TMEM242: variants seen among roughly 807,000 people sequenced by gnomAD.
TMEM242 encodes the protein transmembrane protein 242, also known as UPF0463 transmembrane protein C6orf35.
TMEM242 carries 10 observed loss-of-function variants against 18.2 expected under a neutral mutation model. The ratio of observed to expected loss-of-function variants is 0.55; its 90% CI spans 0.34 to 0.93. The LOEUF (loss-of-function observed/expected upper bound fraction) is 0.93, where lower values mean the gene tolerates loss of function less well. Among genes scored for constraint, TMEM242 ranks in the 40% least tolerant of loss-of-function variants. The pLI is 0.02. For synonymous variants in TMEM242, 57 were observed against 69.9 expected (o/e 0.81, Z 0.92); for missense variants, 186 against 175.5 (o/e 1.06, Z -0.34).
rs1554250537 is a variant in TMEM242, at chr6:157,318,627, T to G, written c.327+155A>C. ...TGTATTTATTAGTAATAAGAAGTTG[T>G]CTAGTTATTTGTAAGAATTTAGTCA... On this transcript the variant is annotated intron_variant, in intron 3 of 3. Coordinates refer to ENST00000400788, the MANE Select transcript of TMEM242 (RefSeq NM_018452.6). The G allele has an allele frequency of 5.2e-6, 4 of 764,162 alleles. No individual in the cohort carries two copies. In the African/African-American group the frequency reaches 7.1e-5, roughly 13 times the overall value. The allele number at this position is 764,162 out of a possible 1,614,324, so 47.3% of individuals were successfully genotyped here.
intron 3 of TMEM242, among the ~76,000 whole-genome samples, chr6:157,306,398 T>A (rs1181002941): frequency 6.6e-6 from 1 of 152,160 alleles, no homozygotes; most frequent in Non-Finnish European, 1.5e-5. Flanking sequence ...GGTGACTGAT[T>A]AGATGCAGGG....
At chr6:157,315,504 G>A (rs1350875798) in intron 3 of TMEM242, among the ~76,000 whole-genome samples, 1 of 152,148 alleles carries the variant, frequency 6.6e-6, no homozygotes, top group Non-Finnish European at 1.5e-5. Flanking sequence ...GAGTGCATAT[G>A]CAGTCTCTCT....
At chr6:157,307,831 A>G (rs1777936608) in intron 3 of TMEM242, among the ~76,000 whole-genome samples, 1 of 152,272 alleles carries the variant, frequency 6.6e-6, no homozygotes, top group East Asian at 1.9e-4. Flanking sequence ...CTGAGGTTCT[A>G]GTGAGCACTA....
chr6:157,300,498 G>C (rs879962537), intron 3 of TMEM242, among the ~76,000 whole-genome samples: 5 of 152,254 alleles, frequency 3.3e-5, no homozygotes, highest in Admixed American at 2.6e-4. Flanking sequence ...ATGAAAATCA[G>C]GTTACATCTT....
At chr6:157,306,567 C>T (rs1388413315) in intron 3 of TMEM242, among the ~76,000 whole-genome samples, 1 of 152,136 alleles carries the variant, frequency 6.6e-6, no homozygotes, top group African/African-American at 2.4e-5. Context: ...GCAGGACACC[C>T]AAGCACCTGT....
intron 3 of TMEM242, among the ~76,000 whole-genome samples, chr6:157,308,220 G>A (rs587705495): frequency 2.9e-4 from 44 of 152,236 alleles, no homozygotes; most frequent in African/African-American, 9.4e-4. Context: ...CTTCATTTGA[G>A]GTGAATAGGT....
chr6:157,322,783 A>T lies in TMEM242; in HGVS notation c.111T>A (p.Val37=). 1.2e-6 allele frequency: 2 copies of T among 1,614,062 alleles called. No homozygotes were observed. The highest frequency in any genetic ancestry group is 1.7e-6 in the Non-Finnish European group (2 of 1,179,984). The part of the protein sequence containing the change: ...LVKGGIFLGT[V]AAAGMLAGFI... ...ATCCAGCTAGCATTCCCGCTGCAGC[A>T]ACGGTACCAAGGAAAATTCCACCTG... The change falls in exon 2 of 4, where the codon GTT becomes GTA. Residue 37 remains valine (V), a synonymous_variant. Transcript: ENST00000400788.
chr6:157,323,480 G>A lies in TMEM242; in HGVS notation c.20C>T (p.Ala7Val), dbSNP rs782232687. 3 of 1,613,942 alleles carry A rather than the reference G, an allele frequency of 1.9e-6. No individual in the cohort carries two copies. Among genetic ancestry groups the A allele is most frequent in the South Asian group, 2.2e-5 (2 of 91,084 alleles). METAGA[A>V]TGQPASGLEA... is the part of the protein sequence containing the mutation. Reference sequence around the variant, plus strand: ...CAGCCCAGAGGCCGGCTGCCCAGTTGCAGCGCCCGCTGTCTCCATGTTTAG... The same window carrying A: ...CAGCCCAGAGGCCGGCTGCCCAGTTACAGCGCCCGCTGTCTCCATGTTTAG... The change falls in exon 1 of 4, where the codon GCA becomes GTA. Residue 7 changes from alanine (A) to valine (V), a missense_variant. Ala to Val is a moderately conservative substitution (Grantham distance 64, BLOSUM62 0). Coordinates refer to ENST00000400788, the MANE Select transcript of TMEM242 (RefSeq NM_018452.6).
rs587756450 is a variant in TMEM242, at chr6:157,294,154, C to A, written c.328-1155G>T. Among the ~76,000 whole-genome samples, 11 of 152,244 alleles carry A rather than the reference C, an allele frequency of 7.2e-5. No individual in the cohort carries two copies. The South Asian group carries it at 2.1e-3, about 29-fold the overall frequency. ...TAGGTGATCTTTACATTGGACAGTA[C>A]TAGTAACACACTCCCTGATTCATCC... is the stretch of plus-strand genomic sequence containing the variant. On this transcript the variant is annotated intron_variant, in intron 3 of 3. Transcript: ENST00000400788.
chr6:157,313,729 ACCCGGCC>A (rs1778300496), intron 3 of TMEM242, among the ~76,000 whole-genome samples: 3 of 71,200 alleles, frequency 4.2e-5, no homozygotes, highest in Admixed American at 1.3e-4. Context: ...GTGTGTGCTC[ACCCGGCC>A]TCATCACAGT....
chr6:157,312,979 C>T (rs1554249548), intron 3 of TMEM242, among the ~76,000 whole-genome samples: 1 of 151,880 alleles, frequency 6.6e-6, no homozygotes, highest in South Asian at 2.1e-4. Flanking sequence ...TCAGTGTGCG[C>T]TCACCTAGCC....
At chr6:157,319,427 G>T (rs1778458505) in intron 2 of TMEM242, among the ~76,000 whole-genome samples, 1 of 152,144 alleles carries the variant, frequency 6.6e-6, no homozygotes, top group Admixed American at 6.5e-5. Context: ...TATAAATGCA[G>T]GATAGACTAG....
At chr6:157,300,030 G>T in intron 3 of TMEM242, 1 of 974,528 alleles carries the variant, frequency 1.0e-6, no homozygotes, top group Non-Finnish European at 1.6e-6. Context: ...CCCTTGAGCG[G>T]CATGCGCGCT....
intron 3 of TMEM242, among the ~76,000 whole-genome samples, chr6:157,316,067 G>C (rs1778384445): frequency 6.6e-6 from 1 of 152,200 alleles, no homozygotes; most frequent in Non-Finnish European, 1.5e-5. Context: ...ACTCTTCTAA[G>C]TGAGACTATT....
intron 3 of TMEM242, among the ~76,000 whole-genome samples, chr6:157,297,146 T>C (rs1489151131): frequency 1.3e-5 from 2 of 152,130 alleles, no homozygotes; most frequent in Non-Finnish European, 2.9e-5. Context: ...GTGGGGCAAA[T>C]ATCATCCCTC....
At chr6:157,310,749 CACTCACCCG>C (rs1778010664) in intron 3 of TMEM242, among the ~76,000 whole-genome samples, 1 of 131,314 alleles carries the variant, frequency 7.6e-6, no homozygotes, top group African/African-American at 2.9e-5. Flanking sequence ...TCCCAGTGTG[CACTCACCCG>C]GCCTCATCAT....
At chr6:157,310,861 GCCTCATCATAGTGCCCCAGTGTGCA>G (rs1778018168) in intron 3 of TMEM242, among the ~76,000 whole-genome samples, 3 of 145,398 alleles carry the variant, frequency 2.1e-5, no homozygotes, top group South Asian at 2.2e-4. Context: ...CACTCACCTA[GCCTCATCATAGTGCCCCAGTGTGCA>G]CTCACCTAGC....
At chr6:157,293,410 A>G (rs1379480401) in intron 3 of TMEM242, among the ~76,000 whole-genome samples, 3 of 152,052 alleles carry the variant, frequency 2.0e-5, no homozygotes, top group Non-Finnish European at 4.4e-5. Context: ...GCAAGGCAAC[A>G]TGTCCTAAAC....
intron 3 of TMEM242, among the ~76,000 whole-genome samples, chr6:157,312,938 G>C (rs1583570458): frequency 9.8e-5 from 14 of 142,162 alleles, no homozygotes; most frequent in South Asian, 2.2e-4. Flanking sequence ...TAGTGCCCCA[G>C]TGTGCGCTCA....
Sources: gnomAD v4.1 joint callset for allele counts (sites outside exome capture counted in the v4.1 genomes callset) on GRCh38, gnomAD v4.1.1 for gene constraint, MANE v1.5 for transcripts, NCBI Gene and HGNC (gene_info 2026-07-23, HGNC 2026-07-21) for gene names.